LVRN: variants seen among roughly 807,000 people sequenced by gnomAD.
The protein encoded by LVRN is aminopeptidase Q.
A neutral mutation model predicts 111.4 loss-of-function variants in LVRN; 99 were observed. That is an observed-to-expected ratio of 0.89 (90% confidence interval 0.76 to 1.05). LVRN has a LOEUF of 1.05. Ranked by LOEUF, LVRN falls within the 50% of genes least tolerant of loss-of-function variation. The pLI, the probability that LVRN is intolerant of heterozygous loss-of-function variation, is 0.00. For synonymous variants in LVRN, 488 were observed against 449.5 expected (o/e 1.09, Z -1.08); for missense variants, 1,414 against 1,206.8 (o/e 1.17, Z -2.54).
chr5:115,984,731 G>A (rs1747815084), intron 3 of LVRN, 22 bp downstream of exon 3: 1 of 1,612,558 alleles, frequency 6.2e-7, no homozygotes, highest in African/African-American at 1.3e-5. Context: ...AGATTCTGTA[G>A]GTAAGGGAGA....
In LVRN at chr5:116,003,393, T is replaced by A; in HGVS notation, c.2037+13T>A. The A allele has an allele frequency of 7.4e-7, 1 of 1,357,700 alleles. No homozygotes were observed. The highest frequency in any genetic ancestry group is 1.5e-5 in the African/African-American group (1 of 65,606). 84.1% of individuals were successfully genotyped at this position (1,357,700 alleles called of 1,614,324 possible). A position where few individuals can be genotyped will look rare whatever the true frequency, so the allele number is the denominator to read the frequency against. On this transcript the variant is annotated intron_variant, in intron 12 of 19. Coordinates refer to ENST00000357872, the MANE Select transcript of LVRN (RefSeq NM_173800.5). ...AAAGGATCCTAAGGTAAGGTTACTT[T>A]TGATACTTTTAATTAAATATAATTT...
chr5:116,020,913 T>C (rs945452158), intron 18 of LVRN: 1 of 152,260 alleles, frequency 6.6e-6, no homozygotes, highest in African/African-American at 2.4e-5. Flanking sequence ...TTGAGTCGTA[T>C]TGGCTTTTGA....
chr5:116,016,866 A>G (rs1409456965), intron 18 of LVRN, among the ~76,000 whole-genome samples: 1 of 152,212 alleles, frequency 6.6e-6, no homozygotes, highest in Admixed American at 6.5e-5. Context: ...GGAACTGTAA[A>G]AAAAAACCCA....
At chr5:116,021,487 G>A (rs1748728611) in intron 18 of LVRN, 1 of 212,550 alleles carries the variant, frequency 4.7e-6, no homozygotes, top group Admixed American at 6.0e-5. Flanking sequence ...ACGTTGCTCA[G>A]GTAGACCCAG....
Position 115,983,364 on chromosome 5 carries a change from C to A in LVRN, c.773C>A (p.Ala258Glu). 1 of 1,611,784 alleles carries A rather than the reference C, an allele frequency of 6.2e-7. No homozygotes were observed. Among genetic ancestry groups the A allele is most frequent in the Non-Finnish European group, 8.5e-7 (1 of 1,179,252 alleles). ...TGTTTTGATGAGCCAGCTCTGAAGG[C>A]AACTTTTAATATTACAATGATTCAT... ...FPCFDEPALK[A>E]TFNITMIHHP... The change falls in exon 2 of 20, where the codon GCA becomes GAA. Residue 258 changes from alanine (A) to glutamate (E), a missense_variant. Transcript: ENST00000357872.
At chr5:116,013,526 TGCTACCG>T (rs1172361210) in intron 15 of LVRN, among the ~76,000 whole-genome samples, 7 of 152,144 alleles carry the variant, frequency 4.6e-5, no homozygotes, top group African/African-American at 1.7e-4. Context: ...TCCAGCTTGT[TGCTACCG>T]GCTTGAGATT....
At position 115,987,829 on chromosome 5, in the gene LVRN, G is replaced by T. The variant is rs370956002; in HGVS notation, c.995G>T (p.Arg332Leu). 1.9e-6 allele frequency: 3 copies of T among 1,612,332 alleles called. No homozygotes were observed. Among genetic ancestry groups the T allele is most frequent in the Admixed American group, 1.7e-5 (1 of 59,754 alleles). The stretch of plus-strand genomic sequence containing the variant: ...TTGATTTAGATACGCATCTGGGCCC[G>T]GAAAGATGCAATTGCAAATGGAAGT... ...ERGKEIRIWA[R>L]KDAIANGSAD... Residue 332 changes from arginine (R) to leucine (L), a missense_variant, in exon 4 of 20, where the codon CGG becomes CTG. Arg to Leu is a moderately radical substitution (Grantham distance 102, BLOSUM62 -2). Coordinates refer to ENST00000357872, the MANE Select transcript of LVRN (RefSeq NM_173800.5).
intron 15 of LVRN, among the ~76,000 whole-genome samples, 183 bp downstream of exon 15, chr5:116,012,651 G>C (rs1295030498): frequency 2.6e-5 from 4 of 152,188 alleles, no homozygotes; most frequent in Non-Finnish European, 4.4e-5. Context: ...TTAATCGTTT[G>C]AGATCTTAAT....
chr5:115,974,279 G>A (rs1753389270), intron 1 of LVRN, among the ~76,000 whole-genome samples: 1 of 152,120 alleles, frequency 6.6e-6, no homozygotes, highest in South Asian at 2.1e-4. Context: ...GTTGTTCATA[G>A]GAGGTCATAC....
At chr5:115,963,374 C>T in intron 1 of LVRN, 62 bp downstream of exon 1, 1 of 1,391,020 alleles carries the variant, frequency 7.2e-7, no homozygotes, top group Non-Finnish European at 9.7e-7. Context: ...GTGCAGGCTG[C>T]GGGTCCAGCT....
chr5:115,985,228 A>G (rs1376945247), intron 3 of LVRN, among the ~76,000 whole-genome samples: 2 of 152,180 alleles, frequency 1.3e-5, no homozygotes, highest in South Asian at 2.1e-4. Context: ...TGAAATGGCC[A>G]TATAAACAAA....
rs748252252 is a variant in LVRN, at chr5:116,026,459, C to T, written c.*341C>T. On this transcript the variant is annotated 3_prime_UTR_variant, in exon 20 of 20. Coordinates refer to ENST00000357872, the MANE Select transcript of LVRN (RefSeq NM_173800.5). ...GCCAGTGGAATATAAAAATCAATGGCATTAATGAGGAGCACATTCTTTGCT... is the reference window on the plus strand; with the variant it reads ...GCCAGTGGAATATAAAAATCAATGGTATTAATGAGGAGCACATTCTTTGCT... 1.6e-5 allele frequency: 5 copies of T among 317,672 alleles called. No homozygotes were observed. Among genetic ancestry groups the T allele is most frequent in the Admixed American group, 9.8e-5 (2 of 20,360 alleles). The allele number at this position is 317,672 out of a possible 1,614,324, so 19.7% of individuals were successfully genotyped here.
intron 1 of LVRN, among the ~76,000 whole-genome samples, chr5:115,967,461 T>C (rs1000722610): frequency 2.0e-5 from 3 of 152,246 alleles, no homozygotes; most frequent in African/African-American, 7.2e-5. Flanking sequence ...TACTGGATTC[T>C]CTATTCTGTT....
intron 19 of LVRN, among the ~76,000 whole-genome samples, chr5:116,025,669 C>A (rs1748847948): frequency 6.6e-6 from 1 of 152,160 alleles, no homozygotes; most frequent in Non-Finnish European, 1.5e-5. Context: ...GTCTGCAAAT[C>A]TTAGAGAACA....
At chr5:116,004,646 A>G (rs1487208133) in intron 12 of LVRN, among the ~76,000 whole-genome samples, 1 of 152,160 alleles carries the variant, frequency 6.6e-6, no homozygotes, top group East Asian at 1.9e-4. Context: ...AACTCCCTTC[A>G]GTATTCCTGG....
chr5:116,018,707 A>G (rs1380325683), intron 18 of LVRN, among the ~76,000 whole-genome samples: 1 of 152,200 alleles, frequency 6.6e-6, no homozygotes, highest in East Asian at 1.9e-4. Flanking sequence ...TATCTTTTAA[A>G]CATTTTGAGA....
intron 1 of LVRN, among the ~76,000 whole-genome samples, chr5:115,974,131 C>T (rs1580377282): frequency 6.6e-6 from 1 of 152,284 alleles, no homozygotes; most frequent in South Asian, 2.1e-4. Flanking sequence ...GCTTTTACTA[C>T]TTCATCTAGT....
rs141288145 is a variant in LVRN, at chr5:115,980,351, A to G, written c.696-2936A>G. Among the ~76,000 whole-genome samples the G allele has an allele frequency of 4.8e-3, 726 of 151,966 alleles. 5 individuals are homozygous for G. The highest frequency in any genetic ancestry group is 6.8e-3 in the Middle Eastern group (2 of 294). The stretch of plus-strand genomic sequence containing the variant: ...TGGTTAGACTTGACTTTTGCAGTTA[A>G]GGTTGAGAGCCAAAGGCTGTGTGTC... On this transcript the variant is annotated intron_variant, in intron 1 of 19. Transcript: ENST00000357872.
rs931019723 is a variant in LVRN, at chr5:115,996,993, A to T, written c.1375-2769A>T. ...CTAGGCACTAGTTTTATGTACTTAAATAGAATTATTTATATTATCTCATTC... is the reference window on the plus strand; with the variant it reads ...CTAGGCACTAGTTTTATGTACTTAATTAGAATTATTTATATTATCTCATTC... On this transcript the variant is annotated intron_variant, in intron 6 of 19. Coordinates refer to ENST00000357872, the MANE Select transcript of LVRN (RefSeq NM_173800.5). Among the ~76,000 whole-genome samples the T allele has an allele frequency of 1.2e-4, 19 of 152,290 alleles. No individual in the cohort carries two copies. The South Asian group carries it at 3.7e-3, about 30-fold the overall frequency.
Sources: gnomAD v4.1 joint callset for allele counts (sites outside exome capture counted in the v4.1 genomes callset) on GRCh38, gnomAD v4.1.1 for gene constraint, MANE v1.5 for transcripts, NCBI Gene and HGNC (gene_info 2026-07-23, HGNC 2026-07-21) for gene names.